The following PCDHA4 variants were observed in gnomAD, a reference collection of about 807,000 sequenced individuals.
The protein encoded by PCDHA4 is protocadherin alpha-4.
In PCDHA4, 49 loss-of-function variants were observed where a neutral mutation model predicts 61.4. That is an observed-to-expected ratio of 0.80 (90% confidence interval 0.63 to 1.01). The LOEUF (loss-of-function observed/expected upper bound fraction) is 1.01, where lower values mean the gene tolerates loss of function less well. Ranked by LOEUF, PCDHA4 falls within the 50% of genes least tolerant of loss-of-function variation. PCDHA4 has a pLI of 0.00. For synonymous variants in PCDHA4, 590 were observed against 550.3 expected (o/e 1.07, Z -1.01); for missense variants, 1,254 against 1,235.8 (o/e 1.01, Z -0.22).
At position 140,870,217 on chromosome 5, in the gene PCDHA4, A is replaced by G. The variant is rs911086777; in HGVS notation, c.2385+60645A>G. On this transcript the variant is annotated intron_variant, in intron 1 of 3. Coordinates refer to ENST00000530339, the MANE Select transcript of PCDHA4 (RefSeq NM_018907.4). ...GCCCAGCACGGTCATTGCCCTGATC[A>G]GCGTGTCTGACCGTGACTCAGGTGT... The G allele has an allele frequency of 5.6e-6, 9 of 1,614,144 alleles. No individual in the cohort carries two copies. The highest frequency in any genetic ancestry group is 3.3e-5 in the Admixed American group (2 of 60,034).
rs148479176 is a variant in PCDHA4, at chr5:140,884,341, G to A, written c.2385+74769G>A. 6.0e-4 allele frequency: 973 copies of A among 1,613,910 alleles called. 19 individuals carry two copies. In the South Asian group the frequency reaches 7.4e-3, roughly 12 times the overall value. On this transcript the variant is annotated intron_variant, in intron 1 of 3. Transcript: ENST00000530339. ...CGGCAGGCGCTGTGGGTCCAGAAGC[G>A]GCGCTGGTGGATGTCAATGTTTACT...
At chr5:140,941,214 C>CCTTTCTTTCTTCCTTTCTTT (rs2092876516) in intron 1 of PCDHA4, among the ~76,000 whole-genome samples, 18 of 122,412 alleles carry the variant, frequency 1.5e-4, no homozygotes, top group Non-Finnish European at 2.9e-4. Context: ...TTTCTTTCTT[C>CCTTTCTTTCTTCCTTTCTTT]CTTTCTTTCT....
chr5:140,869,516 A>G, intron 1 of PCDHA4: 2 of 1,614,226 alleles, frequency 1.2e-6, no homozygotes, highest in Non-Finnish European at 1.7e-6. Flanking sequence ...CTCAGAGAAC[A>G]AAAGCTGCTG....
Position 140,808,970 on chromosome 5 carries a change from C to T in PCDHA4, c.1783C>T (p.Arg595Cys). The T allele has an allele frequency of 6.2e-7, 1 of 1,613,572 alleles. No individual in the cohort carries two copies. The highest frequency in any genetic ancestry group is 1.1e-5 in the South Asian group (1 of 91,048). ...VGVGHVVAKV[R>C]AVDADSGYNA... The stretch of plus-strand genomic sequence containing the variant: ...TGTGGGCCACGTGGTGGCAAAGGTG[C>T]GCGCGGTGGATGCTGACTCGGGCTA... The change falls in exon 1 of 4, where the codon CGC becomes TGC. Residue 595 changes from arginine (R) to cysteine (C), a missense_variant. Physicochemically the swap from Arg to Cys is radical, Grantham distance 180. Coordinates refer to ENST00000530339, the MANE Select transcript of PCDHA4 (RefSeq NM_018907.4).
chr5:140,844,257 G>A lies in PCDHA4; in HGVS notation c.2385+34685G>A, dbSNP rs1328189428. Among the ~76,000 whole-genome samples, 4 of 149,406 alleles carry A rather than the reference G, an allele frequency of 2.7e-5. 1 individual carries two copies. Among genetic ancestry groups the A allele is most frequent in the African/African-American group, 9.8e-5 (4 of 40,832 alleles). ...CACTATTGCCGTTTTAAGCAGTGTA[G>A]TGATAAAATACAGAATGATAGTGTT... On this transcript the variant is annotated intron_variant, in intron 1 of 3. Transcript: ENST00000530339.
chr5:140,976,679 G>A (rs1314378983), intron 1 of PCDHA4, among the ~76,000 whole-genome samples: 2 of 152,086 alleles, frequency 1.3e-5, no homozygotes, highest in African/African-American at 4.8e-5. Flanking sequence ...TCTCATTTTT[G>A]CAATTTAAGT....
At chr5:140,932,145 C>G (rs1231469475) in intron 1 of PCDHA4, among the ~76,000 whole-genome samples, 2 of 151,710 alleles carry the variant, frequency 1.3e-5, no homozygotes, top group African/African-American at 4.8e-5. Context: ...AAAATTGATT[C>G]ACTGATTGTA....
At chr5:141,003,658 A>G (rs1379758431) in intron 3 of PCDHA4, among the ~76,000 whole-genome samples, 2 of 152,212 alleles carry the variant, frequency 1.3e-5, no homozygotes, top group Non-Finnish European at 2.9e-5. Flanking sequence ...GTATGCATTT[A>G]TTAAAATATA....
In PCDHA4 at chr5:140,850,593, C is replaced by G. The variant is rs2150490576; in HGVS notation, c.2385+41021C>G. The stretch of plus-strand genomic sequence containing the variant: ...GACGCTGGTGGATGTCAACGTGTAC[C>G]TGATCATCGCCATCTGCGCGGTGTC... On this transcript the variant is annotated intron_variant, in intron 1 of 3. Coordinates refer to ENST00000530339, the MANE Select transcript of PCDHA4 (RefSeq NM_018907.4). 25 of 1,598,524 alleles carry G rather than the reference C, an allele frequency of 1.6e-5. 1 individual carries two copies. The highest frequency in any genetic ancestry group is 5.5e-5 in the South Asian group (5 of 90,556).
chr5:140,984,964 G>C (rs930753325), intron 3 of PCDHA4, among the ~76,000 whole-genome samples: 1 of 151,818 alleles, frequency 6.6e-6, no homozygotes, highest in Non-Finnish European at 1.5e-5. Context: ...TTGAGACAGA[G>C]TCTCGCTCTG....
chr5:140,926,170 C>T lies in PCDHA4; in HGVS notation c.2386-52779C>T, dbSNP rs558750358. 2.6e-5 allele frequency among the ~76,000 whole-genome samples: 4 copies of T among 151,860 alleles called. No homozygotes were observed. In the South Asian group the frequency reaches 6.6e-4, roughly 25 times the overall value. On this transcript the variant is annotated intron_variant, in intron 1 of 3. Coordinates refer to ENST00000530339, the MANE Select transcript of PCDHA4 (RefSeq NM_018907.4). ...CGGAAAGCTCTGCAGCAGGATCCAG[C>T]GCGGAAAGCCCCCCGCAGCACTTCT...
Position 140,849,728 on chromosome 5 carries a change from A to C in PCDHA4, c.2385+40156A>C, listed in dbSNP as rs144507871. ...ATTACTACTCGTTGGTGCTGGACAG[A>C]GCTCTGGACCGCGAGAGTGTGTCCG... On this transcript the variant is annotated intron_variant, in intron 1 of 3. Transcript: ENST00000530339. 513 of 1,598,410 alleles carry C rather than the reference A, an allele frequency of 3.2e-4. 33 individuals carry two copies. In the African/African-American group the frequency reaches 4.5e-3, roughly 14 times the overall value.
chr5:140,851,840 T>G, intron 1 of PCDHA4: 1 of 970,530 alleles, frequency 1.0e-6, no homozygotes, highest in South Asian at 4.8e-5. Context: ...TAAAAATATC[T>G]TTTTCTCCTC....
intron 1 of PCDHA4, chr5:140,850,431 C>G: frequency 6.3e-7 from 1 of 1,597,912 alleles, no homozygotes; most frequent in Non-Finnish European, 8.6e-7. Flanking sequence ...ACCGCGCCAG[C>G]GCCTACTGGT....
At chr5:140,822,596 A>G in intron 1 of PCDHA4, 1 of 1,612,122 alleles carries the variant, frequency 6.2e-7, no homozygotes, top group Non-Finnish European at 8.5e-7. Flanking sequence ...GGCATCAATA[A>G]GGAAATAGTG....
In PCDHA4 at chr5:140,970,874, G is replaced by A. The variant is rs191123160; in HGVS notation, c.2386-8075G>A. On this transcript the variant is annotated intron_variant, in intron 1 of 3. Coordinates refer to ENST00000530339, the MANE Select transcript of PCDHA4 (RefSeq NM_018907.4). ...AAAGTTCCATTCCTGATTGAGAGTA[G>A]ATTTTTCTCATGGACATTTCAGATA... Among the ~76,000 whole-genome samples the A allele has an allele frequency of 1.6e-4, 24 of 152,250 alleles. No individual in the cohort carries two copies. The East Asian group carries it at 2.7e-3, about 17-fold the overall frequency.
chr5:140,863,231 C>T lies in PCDHA4; in HGVS notation c.2385+53659C>T, dbSNP rs189351986. On this transcript the variant is annotated intron_variant, in intron 1 of 3. Coordinates refer to ENST00000530339, the MANE Select transcript of PCDHA4 (RefSeq NM_018907.4). The stretch of plus-strand genomic sequence containing the variant: ...AGCAGCCAAGCGAGGAAGGTCCCAT[C>T]GCGGGCTTTGGCGGGCGTCGAGGTC... 2.5e-3 allele frequency: 3,078 copies of T among 1,227,642 alleles called. 13 individuals are homozygous for T. Among genetic ancestry groups the T allele is most frequent in the Middle Eastern group, 9.9e-3 (48 of 4,856 alleles). The allele number at this position is 1,227,642 out of a possible 1,614,324, so 76.0% of individuals were successfully genotyped here.
At chr5:140,836,475 G>C in intron 1 of PCDHA4, 1 of 1,613,846 alleles carries the variant, frequency 6.2e-7, no homozygotes, top group Non-Finnish European at 8.5e-7. Context: ...GGATGTCAAC[G>C]TGTACCTGAT....
intron 1 of PCDHA4, chr5:140,857,387 G>A (rs369919324): frequency 2.5e-6 from 4 of 1,598,586 alleles, no homozygotes; most frequent in Admixed American, 1.7e-5. Flanking sequence ...GGTGGCCGAC[G>A]TGAACGACAA....
Sources: allele counts gnomAD v4.1 joint callset (sites outside exome capture counted in the v4.1 genomes callset), GRCh38; gene constraint gnomAD v4.1.1; transcripts MANE v1.5; gene names NCBI Gene and HGNC (gene_info 2026-07-23, HGNC 2026-07-21).